AFF1: variants seen among roughly 807,000 people sequenced by gnomAD.
AFF1 encodes ALF transcription elongation factor 1.
A neutral mutation model predicts 121.7 loss-of-function variants in AFF1; 48 were observed. The ratio of observed to expected loss-of-function variants is 0.39; its 90% CI spans 0.31 to 0.50. The LOEUF is 0.50. Among genes scored for constraint, AFF1 ranks in the 20% least tolerant of loss-of-function variants. AFF1 has a pLI of 0.76. For synonymous variants in AFF1, 613 were observed against 563.0 expected (o/e 1.09, Z -1.26); for missense variants, 1,523 against 1,511.7 (o/e 1.01, Z -0.12).
At chr4:87,135,499 C>T (rs571109567) in intron 20 of AFF1, 81 bp from the exon 21 acceptor site, 3 of 1,396,648 alleles carry the variant, frequency 2.1e-6, no homozygotes, top group South Asian at 1.6e-5. Flanking sequence ...CCTTCTGGAA[C>T]CTTGAATTTT....
At chr4:86,955,074 C>G (rs1246834279) in intron 2 of AFF1, among the ~76,000 whole-genome samples, 1 of 152,164 alleles carries the variant, frequency 6.6e-6, no homozygotes, top group African/African-American at 2.4e-5. Flanking sequence ...TACCCTCCAG[C>G]TATTCTTTCT....
At chr4:87,016,748 C>A (rs995714212) in intron 2 of AFF1, among the ~76,000 whole-genome samples, 1 of 152,148 alleles carries the variant, frequency 6.6e-6, no homozygotes, top group African/African-American at 2.4e-5. Flanking sequence ...CCACCATAAC[C>A]TACTTTCTGT....
intron 2 of AFF1, among the ~76,000 whole-genome samples, chr4:86,985,533 C>T (rs571619998): frequency 1.3e-5 from 2 of 148,268 alleles, no homozygotes; most frequent in African/African-American, 4.9e-5. Context: ...AAATGTAGCT[C>T]GGCGTGGTGG....
At chr4:87,090,482 T>C (rs1189402569) in intron 6 of AFF1, among the ~76,000 whole-genome samples, 1 of 152,212 alleles carries the variant, frequency 6.6e-6, no homozygotes, top group African/African-American at 2.4e-5. Context: ...GCTGGTTTAA[T>C]AACAAGCAAA....
chr4:87,127,176 A>AC (rs1728355505), intron 15 of AFF1, 59 bp downstream of exon 15: 14 of 905,170 alleles, frequency 1.5e-5, no homozygotes, highest in East Asian at 9.2e-5. Context: ...TCCCCCCCCC[A>AC]CCAAGATAGA....
chr4:87,083,992 T>C, intron 4 of AFF1, 128 bp from the exon 5 acceptor site: 1 of 806,948 alleles, frequency 1.2e-6, no homozygotes, highest in Non-Finnish European at 2.1e-6. Flanking sequence ...AAATGTAAAG[T>C]TCTTAATACT....
At position 87,132,343 on chromosome 4, in the gene AFF1, T is replaced by C. The variant is rs1174353744; in HGVS notation, c.3246T>C (p.Arg1082=). The change falls in exon 19 of 21, where the codon CGT becomes CGC. Residue 1082 remains arginine (R), a synonymous_variant. Transcript: ENST00000395146. ...CKKDIAIKYS[R]TLNKHFESSS... is the part of the protein sequence containing the mutation. The stretch of plus-strand genomic sequence containing the variant: ...AAGACATAGCAATAAAGTATTCTCG[T>C]ACTCTTAATAAACACTTCGAGAGTT... The C allele has an allele frequency of 1.9e-6, 3 of 1,613,520 alleles. No individual in the cohort carries two copies. The highest frequency in any genetic ancestry group is 1.1e-5 in the South Asian group (1 of 90,982).
intron 2 of AFF1, among the ~76,000 whole-genome samples, chr4:86,977,029 A>G (rs1260257797): frequency 1.3e-5 from 2 of 152,222 alleles, no homozygotes. Flanking sequence ...ATTTTATTGC[A>G]TGGAAATAAT....
At chr4:87,066,890 CATTA>C (rs1459239217) in intron 4 of AFF1, among the ~76,000 whole-genome samples, 3 of 152,110 alleles carry the variant, frequency 2.0e-5, no homozygotes, top group African/African-American at 7.2e-5. Flanking sequence ...GTTTCTCCCA[CATTA>C]ATTAATTCAG....
At chr4:87,128,486 A>T (rs982527997) in intron 16 of AFF1, among the ~76,000 whole-genome samples, 3 of 152,208 alleles carry the variant, frequency 2.0e-5, no homozygotes, top group Non-Finnish European at 2.9e-5. Flanking sequence ...ACAAATGCAA[A>T]AATGCAAAAA....
At position 87,135,795 on chromosome 4, in the gene AFF1, A is replaced by C. The variant is rs2149808445; in HGVS notation, c.*94A>C. 2 of 1,420,010 alleles carry C rather than the reference A, an allele frequency of 1.4e-6. No homozygotes were observed. Among genetic ancestry groups the C allele is most frequent in the South Asian group, 1.7e-5 (1 of 58,138 alleles). 88.0% of individuals were successfully genotyped at this position (1,420,010 alleles called of 1,614,324 possible). ...GACATTTGTTTCATCAGGACACCAA[A>C]CTCTAAAAAAGAAGCACCACGAGAT... On this transcript the variant is annotated 3_prime_UTR_variant, in exon 21 of 21. Transcript: ENST00000395146.
intron 4 of AFF1, among the ~76,000 whole-genome samples, chr4:87,079,812 TTGA>T (rs1578207716): frequency 6.6e-6 from 1 of 152,132 alleles, no homozygotes; most frequent in East Asian, 1.9e-4. Context: ...ACCACAAAGG[TTGA>T]TGTGAGAATT....
chr4:86,961,017 C>G (rs183246335), intron 2 of AFF1, among the ~76,000 whole-genome samples: 203 of 152,328 alleles, frequency 1.3e-3, no homozygotes, highest in African/African-American at 4.8e-3. Flanking sequence ...AGCACAGCAT[C>G]CCTGGATGGT....
At chr4:87,026,086 T>TG (rs1177088432) in intron 2 of AFF1, among the ~76,000 whole-genome samples, 2 of 129,324 alleles carry the variant, frequency 1.5e-5, no homozygotes, top group African/African-American at 2.9e-5. Flanking sequence ...TTTTGCGTGG[T>TG]GGTGCATGCC....
At chr4:87,029,893 G>A (rs1309902382) in intron 2 of AFF1, among the ~76,000 whole-genome samples, 1 of 152,114 alleles carries the variant, frequency 6.6e-6, no homozygotes, top group Non-Finnish European at 1.5e-5. Flanking sequence ...GGGTGACATT[G>A]TACAGTGAAT....
intron 2 of AFF1, chr4:86,949,680 G>A (rs1578830211): frequency 6.4e-7 from 1 of 1,567,438 alleles, no homozygotes; most frequent in East Asian, 2.3e-5. Flanking sequence ...AGCAGGAAGG[G>A]GATGATGGGC....
At chr4:87,025,655 G>C (rs942080703) in intron 2 of AFF1, among the ~76,000 whole-genome samples, 10 of 152,136 alleles carry the variant, frequency 6.6e-5, no homozygotes, top group Non-Finnish European at 1.5e-4. Context: ...CGCCTGGGAG[G>C]GGGGTGTGCT....
At chr4:86,974,496 T>G (rs1387089100) in intron 2 of AFF1, among the ~76,000 whole-genome samples, 1 of 152,148 alleles carries the variant, frequency 6.6e-6, no homozygotes, top group Non-Finnish European at 1.5e-5. Context: ...TTTAGTTTGT[T>G]TAAATGCAGG....
At chr4:86,948,698 A>C (rs1415412218) in intron 2 of AFF1, 127 bp downstream of exon 2, 2 of 880,842 alleles carry the variant, frequency 2.3e-6, no homozygotes, top group African/African-American at 3.4e-5. Flanking sequence ...AAATGTTTGA[A>C]ATTTTCAGTT....
Sources: gnomAD v4.1 joint callset for allele counts (sites outside exome capture counted in the v4.1 genomes callset) on GRCh38, gnomAD v4.1.1 for gene constraint, MANE v1.5 for transcripts, NCBI Gene and HGNC (gene_info 2026-07-23, HGNC 2026-07-21) for gene names.